EVC: variants seen among roughly 807,000 people sequenced by gnomAD.
The protein encoded by EVC is evC complex member EVC.
In EVC, 116 loss-of-function variants were observed where a neutral mutation model predicts 118.9. The observed-to-expected ratio is 0.98, with a 90% CI of 0.84 to 1.14. The LOEUF (loss-of-function observed/expected upper bound fraction) is 1.14, where lower values mean the gene tolerates loss of function less well. EVC is among the 50% of genes most tolerant of loss of function. The pLI is 0.00. For missense variants in EVC, 1,401 were observed against 1,246.4 expected (o/e 1.12, Z -1.87); for synonymous variants, 619 against 534.7 (o/e 1.16, Z -2.18).
rs555447494 is a variant in EVC, at chr4:5,755,340, GACACGT to G, written c.1465-923_1465-918del. Among the ~76,000 whole-genome samples the G allele has an allele frequency of 4.1e-4, 62 of 152,292 alleles. No homozygotes were observed. Among genetic ancestry groups the G allele is most frequent in the African/African-American group, 9.4e-4 (39 of 41,574 alleles). On this transcript the variant is annotated intron_variant, in intron 10 of 20. Transcript: ENST00000264956. This position sits in a 1 kb window ranked among gnomAD's most constrained non-coding sequence, Gnocchi z 4.1. ...GGAACGCCTCAGCGCTGGCGTTCAG[GACACGT>G]GGGACGCAGGCAGGGAAGGGTGAAT...
intron 3 of EVC, among the ~76,000 whole-genome samples, chr4:5,730,150 C>T (rs868864841): frequency 6.6e-6 from 1 of 152,158 alleles, no homozygotes; most frequent in South Asian, 2.1e-4. Flanking sequence ...GTCTGTTTAT[C>T]TGTCAAATGG....
intron 11 of EVC, 95 bp from the exon 12 acceptor site, chr4:5,783,457 T>A: frequency 8.4e-7 from 1 of 1,187,282 alleles, no homozygotes; most frequent in Non-Finnish European, 1.3e-6. Flanking sequence ...CCTTGTGTCT[T>A]GTGGGAGGCT....
At chr4:5,826,104 A>G in the EVC span, 19,695 of 228,736 alleles carry the variant, frequency 0.086, 1,474 homozygotes, top group African/African-American at 0.23. Context: ...ATACAGGTAT[A>G]CACACCCATA....
At position 5,748,279 on chromosome 4, in the gene EVC, G is replaced by A; in HGVS notation, c.1071G>A (p.Leu357=). The A allele has an allele frequency of 6.2e-7, 1 of 1,614,162 alleles. No individual in the cohort carries two copies. The change falls in exon 8 of 21, where the codon TTG becomes TTA. Residue 357 remains leucine, a synonymous_variant. Coordinates refer to ENST00000264956, the MANE Select transcript of EVC (RefSeq NM_153717.3). ...GAATGATTGCAGCCGAAGGGCTATT[G>A]TGCGATTCTCAGGAGCTGCAGGCTC... The part of the protein sequence containing the change: ...TERMIAAEGL[L]CDSQELQALD...
chr4:5,825,223 GGAT>G, the EVC span: 9 of 985,332 alleles, frequency 9.1e-6, no homozygotes, highest in Non-Finnish European at 1.1e-5. This position sits in a 1 kb window ranked among gnomAD's most constrained non-coding sequence, Gnocchi z 4.4. Flanking sequence ...ATGTGTGTAA[GGAT>G]GAGCACTGGG....
At chr4:5,744,336 A>G (rs1226092654) in intron 6 of EVC, among the ~76,000 whole-genome samples, 3 of 152,178 alleles carry the variant, frequency 2.0e-5, no homozygotes, top group African/African-American at 4.8e-5. Context: ...TGGGTCTTCA[A>G]TAGTAGTTTA....
At chr4:5,782,073 TTTTG>T (rs1432447232) in intron 11 of EVC, among the ~76,000 whole-genome samples, 1 of 151,972 alleles carries the variant, frequency 6.6e-6, no homozygotes. Flanking sequence ...TGTTTTTTGT[TTTTG>T]TTTGTTTTTA....
intron 11 of EVC, among the ~76,000 whole-genome samples, chr4:5,783,133 TGA>T (rs1326935435): frequency 2.0e-5 from 3 of 152,054 alleles, no homozygotes; most frequent in Non-Finnish European, 2.9e-5. Flanking sequence ...CAAGTATGTA[TGA>T]GTCTATGTGT....
chr4:5,754,003 G>T lies in EVC; in HGVS notation c.1464+70G>T. On this transcript the variant is annotated intron_variant, in intron 10 of 20. Coordinates refer to ENST00000264956, the MANE Select transcript of EVC (RefSeq NM_153717.3). This position sits in a 1 kb window ranked among gnomAD's most constrained non-coding sequence, Gnocchi z 5.8. The stretch of plus-strand genomic sequence containing the variant: ...TAGCTCTGTTCCCGTGACTGAGCAC[G>T]GGACGCCGGAGGTATTCATCAGGCA... 6.3e-7 allele frequency: 1 copy of T among 1,595,974 alleles called. No individual in the cohort carries two copies. The highest frequency in any genetic ancestry group is 8.6e-7 in the Non-Finnish European group (1 of 1,166,370).
chr4:5,824,654 T>C, the EVC span: 1 of 946,156 alleles, frequency 1.1e-6, no homozygotes, highest in Non-Finnish European at 1.3e-6. Flanking sequence ...CTATTGAATA[T>C]AACATCCTAG....
intron 12 of EVC, among the ~76,000 whole-genome samples, chr4:5,787,370 A>G (rs1006149705): frequency 6.6e-6 from 1 of 152,218 alleles, no homozygotes; most frequent in African/African-American, 2.4e-5. Context: ...TATTCTCCCG[A>G]TGATCTGGCT....
At chr4:5,734,545 T>C (rs558560373) in intron 5 of EVC, among the ~76,000 whole-genome samples, 1 of 152,114 alleles carries the variant, frequency 6.6e-6, no homozygotes, top group Admixed American at 6.5e-5. Flanking sequence ...TAGTCCTAGG[T>C]ACTCAGGAGG....
rs748523193 is a variant in EVC at position 5,729,369 on chromosome 4, C to A, written c.363C>A (p.Tyr121Ter). The A allele has an allele frequency of 1.9e-6, 3 of 1,614,080 alleles. No individual in the cohort carries two copies. The highest frequency in any genetic ancestry group is 3.3e-5 in the Admixed American group (2 of 60,008). ...TCGCCCTGAAGGCCAAAGTCATCTA[C>A]CCCATCAATCAGAAGTTCCGGGTGA... ...TAFALKAKVI[Y>*]PINQKFRPLA... Residue 121 changes from tyrosine to a stop codon, truncating the protein, a stop_gained, in exon 3 of 21, where the codon TAC (tyrosine) becomes TAA (stop). Transcript: ENST00000264956. LOFTEE classifies it high-confidence loss of function.
At chr4:5,810,267 G>A in intron 19 of EVC, 72 bp from the exon 20 acceptor site, 4 of 1,189,600 alleles carry the variant, frequency 3.4e-6, no homozygotes, top group South Asian at 2.6e-5. Context: ...GGCTGGGTTG[G>A]TGTGAGGCTG....
At position 5,811,746 on chromosome 4, in the gene EVC, T is replaced by TA. The variant is rs1369335570; in HGVS notation, c.*710dup. 1 of 103,870 alleles carries TA rather than the reference T, an allele frequency of 9.6e-6. No individual in the cohort carries two copies. The highest frequency in any genetic ancestry group is 2.0e-5 in the Non-Finnish European group (1 of 50,212). 6.4% of individuals were successfully genotyped at this position (103,870 alleles called of 1,614,324 possible). ...GAGAAACTTCCAGACCAGCCCCTCA[T>TA]ACCACAGCCAAGAGGGGCCTTTCTC... is the stretch of plus-strand genomic sequence containing the variant. On this transcript the variant is annotated 3_prime_UTR_variant, in exon 21 of 21. Coordinates refer to ENST00000264956, the MANE Select transcript of EVC (RefSeq NM_153717.3).
At chr4:5,734,602 A>C (rs1727373178) in intron 5 of EVC, among the ~76,000 whole-genome samples, 1 of 152,152 alleles carries the variant, frequency 6.6e-6, no homozygotes, top group Non-Finnish European at 1.5e-5. Flanking sequence ...GGCTGCAGTG[A>C]ACTGTGATCA....
intron 11 of EVC, among the ~76,000 whole-genome samples, chr4:5,758,516 C>A (rs1731527168): frequency 6.6e-6 from 1 of 152,128 alleles, no homozygotes; most frequent in Admixed American, 6.5e-5. Context: ...GGATGGGGCT[C>A]AATTTGTCAA....
intron 11 of EVC, among the ~76,000 whole-genome samples, chr4:5,757,873 A>T (rs1731418417): frequency 6.8e-6 from 1 of 147,164 alleles, no homozygotes; most frequent in Admixed American, 6.7e-5. Context: ...GGGATATTGG[A>T]GGTTAGGGCT....
intron 8 of EVC, among the ~76,000 whole-genome samples, chr4:5,748,834 A>T (rs1729907042): frequency 1.3e-5 from 2 of 152,108 alleles, no homozygotes; most frequent in South Asian, 4.2e-4. Context: ...GGCTCTGGCC[A>T]GCTCAGTATT....
Sources: gnomAD v4.1 joint callset for allele counts (sites outside exome capture counted in the v4.1 genomes callset) on GRCh38, gnomAD v4.1.1 for gene constraint, Gnocchi (gnomAD v3.1) non-coding constraint, MANE v1.5 for transcripts, NCBI Gene and HGNC (gene_info 2026-07-23, HGNC 2026-07-21) for gene names.